Variants in ERG observed in about 807,000 individuals in gnomAD.
The protein encoded by ERG is ETS transcription factor ERG, also known as transcriptional regulator ERG.
A neutral mutation model predicts 55.3 loss-of-function variants in ERG; 9 were observed. The ratio of observed to expected loss-of-function variants is 0.16; its 90% CI spans 0.10 to 0.28. The LOEUF is 0.28. ERG is among the 10% of genes least tolerant of loss of function. The probability of loss-of-function intolerance (pLI) is 1.00; values close to 1 mark genes in which losing one functional copy is unlikely to be tolerated. For missense variants in ERG, 434 were observed against 631.6 expected (o/e 0.69, Z 3.35); for synonymous variants, 223 against 237.3 (o/e 0.94, Z 0.55).
chr21:38,572,290 C>T (rs1293170518), intron 2 of ERG, among the ~76,000 whole-genome samples: 1 of 150,320 alleles, frequency 6.7e-6, no homozygotes, highest in Non-Finnish European at 1.5e-5. Flanking sequence ...ATGGCGGGAA[C>T]CCAGGAGGCA....
upstream of ERG, chr21:38,502,536 C>A: frequency 6.5e-6 from 1 of 154,968 alleles, no homozygotes; most frequent in South Asian, 1.8e-4. Flanking sequence ...GTGGAGATGT[C>A]AACTAGTTGG....
chr21:38,459,012 C>T (rs907484413), intron 1 of ERG, among the ~76,000 whole-genome samples: 1 of 152,158 alleles, frequency 6.6e-6, no homozygotes, highest in African/African-American at 2.4e-5. Context: ...TGCTATTCCT[C>T]CTATTTGGTT....
chr21:38,568,838 GC>G (rs1480793969), intron 2 of ERG, among the ~76,000 whole-genome samples: 2 of 152,172 alleles, frequency 1.3e-5, no homozygotes, highest in Non-Finnish European at 2.9e-5. Context: ...TGAACCCCCA[GC>G]CTCATCAAGC....
At chr21:38,549,076 G>T (rs1051351746) in intron 2 of ERG, among the ~76,000 whole-genome samples, 1 of 151,846 alleles carries the variant, frequency 6.6e-6, no homozygotes, top group South Asian at 2.1e-4. Flanking sequence ...TCGCACCACC[G>T]CACTCCAGCC....
At chr21:38,437,210 C>T (rs1273754403) in intron 2 of ERG, among the ~76,000 whole-genome samples, 2 of 152,100 alleles carry the variant, frequency 1.3e-5, no homozygotes, top group Non-Finnish European at 2.9e-5. Context: ...AATTCTTAAT[C>T]CATCTCCATC....
At chr21:38,568,521 A>G (rs1308315884) in intron 2 of ERG, among the ~76,000 whole-genome samples, 1 of 152,220 alleles carries the variant, frequency 6.6e-6, no homozygotes, top group East Asian at 1.9e-4. Flanking sequence ...GAGCAAAAGT[A>G]TAAAAGCCAA....
intron 2 of ERG, among the ~76,000 whole-genome samples, chr21:38,543,973 C>T (rs1466230275): frequency 1.3e-5 from 2 of 152,074 alleles, no homozygotes; most frequent in African/African-American, 4.8e-5. Context: ...CTTCTGACCT[C>T]AAGTGATCTG....
intron 1 of ERG, among the ~76,000 whole-genome samples, chr21:38,491,754 CG>C (rs1255573122): frequency 1.3e-5 from 2 of 152,202 alleles, no homozygotes; most frequent in South Asian, 2.1e-4. Context: ...TCATTATTGA[CG>C]CCCAAGACGA....
At position 38,403,287 on chromosome 21, in the gene ERG, G is replaced by T. The variant is rs1224954621; in HGVS notation, c.592+219C>A. Among the ~76,000 whole-genome samples the T allele has an allele frequency of 2.0e-5, 3 of 152,232 alleles. No individual in the cohort carries two copies. In the South Asian group the frequency reaches 6.2e-4, roughly 32 times the overall value. On this transcript the variant is annotated intron_variant, in intron 4 of 9. Transcript: ENST00000288319. Reference sequence around the variant, plus strand: ...CAGCTGAGTGTTGAAGTGAATTTTGGCTTCTCCTGAGAGCGCTGACTACTT... The same window carrying T: ...CAGCTGAGTGTTGAAGTGAATTTTGTCTTCTCCTGAGAGCGCTGACTACTT...
chr21:38,654,391 G>T (rs1190378139), intron 1 of ERG, among the ~76,000 whole-genome samples: 1 of 152,218 alleles, frequency 6.6e-6, no homozygotes, highest in Non-Finnish European at 1.5e-5. Context: ...AGAATCATTT[G>T]CACCCAGGCG....
downstream of ERG, chr21:38,379,977 C>A (rs1411886289): frequency 2.4e-5 from 24 of 1,000,554 alleles, no homozygotes; most frequent in Non-Finnish European, 2.9e-5. Context: ...AGGTGTGAGT[C>A]AACAAGATTT....
At chr21:38,454,216 A>T (rs2058967351) in intron 1 of ERG, among the ~76,000 whole-genome samples, 1 of 152,128 alleles carries the variant, frequency 6.6e-6, no homozygotes, top group Admixed American at 6.5e-5. Flanking sequence ...TTTTTTAATC[A>T]CTCAGTGGAG....
chr21:38,590,566 G>A (rs1365820541), intron 1 of ERG, among the ~76,000 whole-genome samples: 1 of 96,048 alleles, frequency 1.0e-5, no homozygotes, highest in Non-Finnish European at 2.3e-5. Flanking sequence ...TCATACAATT[G>A]TTCATCCATC....
At position 38,455,989 on chromosome 21, in the gene ERG, C is replaced by A. The variant is rs1009571581; in HGVS notation, c.19-10368G>T. ...AGGGCCACTGGCCATGGGGCTCCACCACTCCGTGCCCCTCATGTACCAAGT... is the reference window on the plus strand; with the variant it reads ...AGGGCCACTGGCCATGGGGCTCCACAACTCCGTGCCCCTCATGTACCAAGT... On this transcript the variant is annotated intron_variant, in intron 1 of 9. Transcript: ENST00000288319. 4.4e-4 allele frequency among the ~76,000 whole-genome samples: 67 copies of A among 152,276 alleles called. 1 individual carries two copies. Among genetic ancestry groups the A allele is most frequent in the Admixed American group, 3.5e-3 (53 of 15,296 alleles).
intron 2 of ERG, among the ~76,000 whole-genome samples, chr21:38,547,314 G>A (rs1051031131): frequency 5.3e-5 from 8 of 152,204 alleles, no homozygotes; most frequent in African/African-American, 1.9e-4. Flanking sequence ...AGGGAAGAAG[G>A]TACGAAGATG....
chr21:38,534,947 G>GT (rs533501814), intron 2 of ERG, among the ~76,000 whole-genome samples: 119 of 152,164 alleles, frequency 7.8e-4, no homozygotes, highest in African/African-American at 2.7e-3. Flanking sequence ...AATTAAAGTG[G>GT]TTTTTTTAAT....
At chr21:38,494,941 AC>A (rs1338870611) in intron 1 of ERG, among the ~76,000 whole-genome samples, 1 of 152,262 alleles carries the variant, frequency 6.6e-6, no homozygotes, top group African/African-American at 2.4e-5. Flanking sequence ...CTGTAAAGCC[AC>A]TTTTCGGCAA....
At chr21:38,469,116 A>G (rs1019390765) in intron 1 of ERG, among the ~76,000 whole-genome samples, 1 of 150,738 alleles carries the variant, frequency 6.6e-6, no homozygotes, top group Non-Finnish European at 1.5e-5. Flanking sequence ...GGGTCCCCTT[A>G]TCTATTTACA....
rs373919643 is a variant in ERG, at chr21:38,598,942, AC to A, written c.-149-13998del. Among the ~76,000 whole-genome samples the A allele has an allele frequency of 6.9e-3, 1,056 of 152,096 alleles. 6 individuals carry two copies. The highest frequency in any genetic ancestry group is 0.012 in the Non-Finnish European group (836 of 68,002). On this transcript the variant is annotated intron_variant, in intron 1 of 10. Coordinates refer to the ERG transcript ENST00000398910. ...CAGAGGCTGTGCAGCACCTCTCTCC[AC>A]CCCAGGGAAAGAAAGGAAAGGGGGA... is the stretch of plus-strand genomic sequence containing the variant.
Sources: gnomAD v4.1 joint callset for allele counts (sites outside exome capture counted in the v4.1 genomes callset) on GRCh38, gnomAD v4.1.1 for gene constraint, MANE v1.5 for transcripts, NCBI Gene and HGNC (gene_info 2026-07-23, HGNC 2026-07-21) for gene names.